Variants in BPNT2 observed in about 807,000 individuals in gnomAD.
The protein encoded by BPNT2 is Golgi-resident adenosine 3',5'-bisphosphate 3'-phosphatase.
Under a neutral mutation model 29.3 loss-of-function variants are expected in BPNT2, and 11 were observed. The observed-to-expected ratio is 0.38, with a 90% confidence interval of 0.24 to 0.62. BPNT2 has a LOEUF of 0.62. BPNT2 is among the 20% of genes least tolerant of loss of function. The pLI, the probability that BPNT2 is intolerant of heterozygous loss-of-function variation, is 0.62. For missense variants in BPNT2, 459 were observed against 473.4 expected, an observed-to-expected ratio of 0.97 and a Z score of 0.28; for synonymous variants, 195 against 187.7, an observed-to-expected ratio of 1.04 and a Z score of -0.32.
intron 4 of BPNT2, among the ~76,000 whole-genome samples, chr8:56,965,610 T>C (rs1459626665): frequency 1.3e-5 from 2 of 152,172 alleles, no homozygotes; most frequent in African/African-American, 2.4e-5. Context: ...AGAGACTGTA[T>C]ATATATGGCT....
chr8:56,974,360 T>G (rs193281010), intron 3 of BPNT2, among the ~76,000 whole-genome samples: 4 of 150,730 alleles, frequency 2.7e-5, no homozygotes, highest in Non-Finnish European at 1.5e-5. Context: ...AAAATACTAT[T>G]CAAGTATCTC....
chr8:56,989,358 C>A (rs369929487), intron 1 of BPNT2, among the ~76,000 whole-genome samples: 3 of 141,430 alleles, frequency 2.1e-5, no homozygotes, highest in East Asian at 4.1e-4. Flanking sequence ...GGCGACAGAG[C>A]GAGACACCAT....
chr8:56,977,213 T>C (rs1283223797), intron 3 of BPNT2, among the ~76,000 whole-genome samples: 1 of 152,096 alleles, frequency 6.6e-6, no homozygotes, highest in African/African-American at 2.4e-5. Context: ...TACCACAAAC[T>C]TGGTGGCTTA....
rs1306027826 is a variant in BPNT2, at chr8:56,963,470, A to G, written c.*323T>C. ...ATGAAAGTACTAACAGTGAAGATTC[A>G]TGATGTTGTGTGAAAATGGTGACTC... is the stretch of plus-strand genomic sequence containing the variant. On this transcript the variant is annotated 3_prime_UTR_variant, in exon 5 of 5. Transcript: ENST00000262644. 1 of 269,590 alleles carries G rather than the reference A, an allele frequency of 3.7e-6. No homozygotes were observed. Among genetic ancestry groups the G allele is most frequent in the East Asian group, 7.9e-5 (1 of 12,718 alleles). The allele number at this position is 269,590 out of a possible 1,614,324, so 16.7% of individuals were successfully genotyped here.
At chr8:56,987,515 T>G (rs1357167014) in intron 1 of BPNT2, among the ~76,000 whole-genome samples, 3 of 152,104 alleles carry the variant, frequency 2.0e-5, no homozygotes, top group Non-Finnish European at 4.4e-5. Flanking sequence ...CAACTGAGAC[T>G]ACCACCACCA....
At chr8:56,992,793 C>T (rs1806439832) in intron 1 of BPNT2, among the ~76,000 whole-genome samples, 1 of 151,490 alleles carries the variant, frequency 6.6e-6, no homozygotes, top group East Asian at 1.9e-4. Context: ...ACTGGCAGGC[C>T]ACCCAGAAAA....
Position 56,962,619 on chromosome 8 carries a change from A to G in BPNT2, c.*1174T>C, listed in dbSNP as rs558202697. On this transcript the variant is annotated 3_prime_UTR_variant, in exon 5 of 5. Transcript: ENST00000262644. ...ACAACTTTTTTTTTCTAACCAGACT[A>G]GAAAAAAATTTCATCAAAAAGTACC... 6.6e-6 allele frequency: 1 copy of G among 152,280 alleles called. No individual in the cohort carries two copies. The highest frequency in any genetic ancestry group is 2.4e-5 in the African/African-American group (1 of 41,568). The allele number at this position is 152,280 out of a possible 1,614,324, so 9.4% of individuals were successfully genotyped here.
rs1805879780 is a variant in BPNT2 at position 56,963,537 on chromosome 8, T to C, written c.*256A>G. ...AGCTACAGATTTTAATTCACAAATA[T>C]ATATATGCGCCTTGTGTATGACAAC... On this transcript the variant is annotated 3_prime_UTR_variant, in exon 5 of 5. Transcript: ENST00000262644. 2.2e-6 allele frequency: 1 copy of C among 448,266 alleles called. No individual in the cohort carries two copies. The highest frequency in any genetic ancestry group is 2.0e-5 in the African/African-American group (1 of 51,146). 27.8% of individuals were successfully genotyped at this position (448,266 alleles called of 1,614,324 possible).
chr8:56,986,030 G>T (rs1329877133), intron 1 of BPNT2, among the ~76,000 whole-genome samples: 1 of 152,188 alleles, frequency 6.6e-6, no homozygotes, highest in Non-Finnish European at 1.5e-5. Flanking sequence ...GTCACTACAT[G>T]GAGGACAACT....
Position 56,980,108 on chromosome 8 carries a change from A to G in BPNT2, c.477T>C (p.Thr159=), listed in dbSNP as rs749371563. The G allele has an allele frequency of 3.1e-6, 5 of 1,613,052 alleles. No homozygotes were observed. In the South Asian group the frequency reaches 4.4e-5, roughly 14 times the overall value. ...TTTCTGCTGGTACCTCTTTAGGAGT[A>G]GTTACTTCCTTTAGGATATCCTCAG... The part of the protein sequence containing the change: ...KIPEDILKEV[T]TPKEVPAESV... Residue 159 remains threonine, a synonymous_variant, in exon 2 of 5, where the codon ACT becomes ACC. Transcript: ENST00000262644.
At chr8:56,993,059 C>A in intron 1 of BPNT2, 140 bp downstream of exon 1, 1 of 1,509,766 alleles carries the variant, frequency 6.6e-7, no homozygotes, top group South Asian at 1.2e-5. Flanking sequence ...GTCTGTCTGA[C>A]CTTGTGCACG....
rs757255652 is a variant in BPNT2 at position 56,958,152 on chromosome 8, C to T, written c.*5641G>A. The T allele has an allele frequency of 1.3e-5, 2 of 152,074 alleles. No homozygotes were observed. Among genetic ancestry groups the T allele is most frequent in the Non-Finnish European group, 2.9e-5 (2 of 68,002 alleles). The allele number at this position is 152,074 out of a possible 1,614,324, so 9.4% of individuals were successfully genotyped here. A position where few individuals can be genotyped will look rare whatever the true frequency, so the allele number is the denominator to read the frequency against. ...TTGCAAAGGTAACAAAACAAACAAC[C>T]AGCTTATACAACCAAGGCACAAAAT... On this transcript the variant is annotated 3_prime_UTR_variant, in exon 5 of 5. Coordinates refer to ENST00000262644, the MANE Select transcript of BPNT2 (RefSeq NM_017813.5).
intron 1 of BPNT2, among the ~76,000 whole-genome samples, chr8:56,992,117 C>A (rs1806426496): frequency 6.6e-6 from 1 of 152,122 alleles, no homozygotes; most frequent in Non-Finnish European, 1.5e-5. Context: ...TTATGATAGA[C>A]TGGAAGAAGC....
At chr8:56,984,447 C>T (rs536457173) in intron 1 of BPNT2, among the ~76,000 whole-genome samples, 1 of 152,182 alleles carries the variant, frequency 6.6e-6, no homozygotes, top group Non-Finnish European at 1.5e-5. Flanking sequence ...CGTGCCACAT[C>T]GAATCAGTCA....
In BPNT2 at chr8:56,963,506, AG is replaced by A. The variant is rs1441186464; in HGVS notation, c.*286del. ...TGAAAATGGTGACTCATAACAATGT[AG>A]ACTCAGCTACAGATTTTAATTCACA... On this transcript the variant is annotated 3_prime_UTR_variant, in exon 5 of 5. Transcript: ENST00000262644. 27 of 374,624 alleles carry A rather than the reference AG, an allele frequency of 7.2e-5. No homozygotes were observed. Among genetic ancestry groups the A allele is most frequent in the Non-Finnish European group, 1.1e-4 (23 of 205,164 alleles). 23.2% of individuals were successfully genotyped at this position (374,624 alleles called of 1,614,324 possible).
chr8:56,983,517 G>A (rs920509065), intron 1 of BPNT2, among the ~76,000 whole-genome samples: 2 of 152,120 alleles, frequency 1.3e-5, no homozygotes, highest in African/African-American at 2.4e-5. Flanking sequence ...GAAGGACCTC[G>A]CAGGCTGCAA....
chr8:56,970,853 A>G (rs1455900128), intron 3 of BPNT2, among the ~76,000 whole-genome samples: 11 of 152,176 alleles, frequency 7.2e-5, no homozygotes. Context: ...AGTATTCATT[A>G]TAATTTTACG....
In BPNT2 at chr8:56,987,731, CTT is replaced by C. The variant is rs35492743; in HGVS notation, c.387+5466_387+5467del. 2.0e-3 allele frequency among the ~76,000 whole-genome samples: 274 copies of C among 140,002 alleles called. 2 individuals carry two copies. The highest frequency in any genetic ancestry group is 6.2e-3 in the African/African-American group (235 of 37,936). 91.8% of individuals were successfully genotyped at this position (140,002 alleles called of 152,430 possible). ...ACAGTAGGCATTCAATAACTATTTT[CTT>C]TTTTTTTTTTTTTGAGATGGAGTCT... On this transcript the variant is annotated intron_variant, in intron 1 of 4. Transcript: ENST00000262644.
chr8:56,978,248 G>A, intron 2 of BPNT2, 103 bp from the exon 3 acceptor site: 2 of 802,754 alleles, frequency 2.5e-6, no homozygotes, highest in African/African-American at 1.7e-5. Context: ...TTATATACAT[G>A]AAATATCTTT....
Sources: gnomAD v4.1 joint callset for allele counts (sites outside exome capture counted in the v4.1 genomes callset) on GRCh38, gnomAD v4.1.1 for gene constraint, MANE v1.5 for transcripts, NCBI Gene and HGNC (gene_info 2026-07-23, HGNC 2026-07-21) for gene names.